The following FAM184B variants were observed in gnomAD, a reference collection of about 807,000 sequenced individuals.
FAM184B encodes protein FAM184B.
FAM184B carries 111 observed loss-of-function variants against 135.9 expected under a neutral mutation model. The ratio of observed to expected loss-of-function variants is 0.82; its 90% CI spans 0.70 to 0.96. FAM184B has a LOEUF of 0.96. FAM184B is among the 40% of genes least tolerant of loss of function. The pLI, the probability that FAM184B is intolerant of heterozygous loss-of-function variation, is 0.00. For synonymous variants in FAM184B, 552 were observed against 524.8 expected, an observed-to-expected ratio of 1.05 and a Z score of -0.71; for missense variants, 1,375 against 1,323.9, an observed-to-expected ratio of 1.04 and a Z score of -0.60.
At chr4:17,681,046 A>G (rs1716422449) in intron 7 of FAM184B, among the ~76,000 whole-genome samples, 2 of 152,350 alleles carry the variant, frequency 1.3e-5, no homozygotes, top group South Asian at 4.1e-4. Flanking sequence ...CATTGACAGA[A>G]TCTTTAACAG....
intron 5 of FAM184B, among the ~76,000 whole-genome samples, chr4:17,695,844 G>A (rs550803571): frequency 2.0e-5 from 3 of 152,262 alleles, no homozygotes; most frequent in Non-Finnish European, 4.4e-5. Context: ...TTCTGGGTTG[G>A]AGTATGCATT....
intron 1 of FAM184B, among the ~76,000 whole-genome samples, chr4:17,742,560 C>T (rs1228645484): frequency 6.6e-6 from 1 of 152,088 alleles, no homozygotes; most frequent in African/African-American, 2.4e-5. Context: ...CTATCCTGTG[C>T]CTATAAAAGA....
At chr4:17,778,170 A>C (rs939662182) in intron 1 of FAM184B, among the ~76,000 whole-genome samples, 8 of 152,202 alleles carry the variant, frequency 5.3e-5, no homozygotes, top group Admixed American at 5.2e-4. Flanking sequence ...AAAATAAACA[A>C]AACAAATCTG....
chr4:17,754,668 T>G (rs1718381369), intron 1 of FAM184B, among the ~76,000 whole-genome samples: 1 of 151,680 alleles, frequency 6.6e-6, no homozygotes. Context: ...ACTGCACACA[T>G]GCACACACCC....
chr4:17,680,233 T>C (rs1254186756), intron 7 of FAM184B, among the ~76,000 whole-genome samples: 3 of 152,324 alleles, frequency 2.0e-5, no homozygotes, highest in South Asian at 2.1e-4. Flanking sequence ...ATTATAGTTT[T>C]TGATGTCATT....
At chr4:17,632,682 T>TA (rs1714994696) in intron 17 of FAM184B, 57 bp from the exon 18 acceptor site, 1 of 1,134,438 alleles carries the variant, frequency 8.8e-7, no homozygotes, top group Non-Finnish European at 1.3e-6. Context: ...AGAAGCAGCT[T>TA]AATACCCACC....
Position 17,688,441 on chromosome 4 carries a change from T to C in FAM184B, c.1579A>G (p.Ser527Gly), listed in dbSNP as rs1419880226. 1 of 1,550,410 alleles carries C rather than the reference T, an allele frequency of 6.4e-7. No homozygotes were observed. Among genetic ancestry groups the C allele is most frequent in the East Asian group, 2.4e-5 (1 of 40,896 alleles). ...GAGGTTACCTGGGTCTCCAGAATGCTGCAGTGCTGGCGGCCTAATTCCTGG... is the reference window on the plus strand; with the variant it reads ...GAGGTTACCTGGGTCTCCAGAATGCCGCAGTGCTGGCGGCCTAATTCCTGG... Reference protein sequence around the residue: ...SPQELGRQHCSILETQDPCLK... With the variant: ...SPQELGRQHCGILETQDPCLK... Residue 527 changes from serine to glycine, a missense_variant, in exon 7 of 18, where the codon AGC (serine) becomes GGC (glycine). Transcript: ENST00000265018.
intron 1 of FAM184B, among the ~76,000 whole-genome samples, chr4:17,751,867 A>ACACACAC (rs1491120270): frequency 4.0e-5 from 6 of 149,488 alleles, no homozygotes; most frequent in African/African-American, 7.4e-5. Context: ...ACACACACAC[A>ACACACAC]AAAGAACCAG....
Position 17,633,797 on chromosome 4 carries a change from G to A in FAM184B, c.2981C>T (p.Ser994Phe). Residue 994 changes from serine to phenylalanine, a missense_variant, in exon 17 of 18, where the codon TCC (serine) becomes TTC (phenylalanine). By Grantham distance (155) the Ser-to-Phe change is radical. Coordinates refer to ENST00000265018, the MANE Select transcript of FAM184B (RefSeq NM_015688.2). ...AKNFLSGDLS[S>F]RINAPPITTS... The stretch of plus-strand genomic sequence containing the variant: ...AGTTATTGGAGGGGCATTAATCCTG[G>A]AACTCAGATCGCCACTCAGAAAGTT... 6.4e-7 allele frequency: 1 copy of A among 1,551,614 alleles called. No homozygotes were observed.
intron 1 of FAM184B, among the ~76,000 whole-genome samples, chr4:17,766,155 T>C (rs1718681515): frequency 6.6e-6 from 1 of 152,222 alleles, no homozygotes; most frequent in South Asian, 2.1e-4. Flanking sequence ...TCAGGCAGCC[T>C]GCTTTTATTC....
At chr4:17,738,319 C>T (rs1056474159) in intron 1 of FAM184B, among the ~76,000 whole-genome samples, 2 of 151,918 alleles carry the variant, frequency 1.3e-5, no homozygotes, top group Non-Finnish European at 2.9e-5. Context: ...AAAGGGTGAC[C>T]CTGCCAAGCA....
chr4:17,641,996 G>GA (rs1715331094), intron 13 of FAM184B, 60 bp downstream of exon 13: 2 of 1,474,174 alleles, frequency 1.4e-6, no homozygotes, highest in Non-Finnish European at 8.9e-7. Flanking sequence ...GTAGGGGGAG[G>GA]GGGGGTGGCG....
intron 12 of FAM184B, among the ~76,000 whole-genome samples, chr4:17,645,473 G>A (rs1715441231): frequency 6.6e-6 from 1 of 152,124 alleles, no homozygotes; most frequent in Admixed American, 6.6e-5. Flanking sequence ...ACAAGAAATG[G>A]GGAAAGGATC....
At position 17,633,681 on chromosome 4, in the gene FAM184B, C is replaced by G. The variant is rs981365069; in HGVS notation, c.3089+8G>C. 4 of 1,519,214 alleles carry G rather than the reference C, an allele frequency of 2.6e-6. No homozygotes were observed. The African/African-American group carries it at 5.6e-5, about 21-fold the overall frequency. 94.1% of individuals were successfully genotyped at this position (1,519,214 alleles called of 1,614,324 possible). Reference sequence around the variant, plus strand: ...AATAAGGGCCCCTGTCCCCAACATCCCCCAAACCTTGTGGCAGTTTTTGCA... The same window carrying G: ...AATAAGGGCCCCTGTCCCCAACATCGCCCAAACCTTGTGGCAGTTTTTGCA... On this transcript the variant is annotated splice_region_variant and intron_variant, in intron 17 of 17. Transcript: ENST00000265018.
At chr4:17,706,864 C>T (rs569905928) in intron 3 of FAM184B, among the ~76,000 whole-genome samples, 234 of 152,218 alleles carry the variant, frequency 1.5e-3, no homozygotes, top group Non-Finnish European at 2.7e-3. Context: ...TGGCTCACTG[C>T]AACCTCTGCC....
chr4:17,663,107 T>C lies in FAM184B; in HGVS notation c.1694+1455A>G, dbSNP rs1715957542. On this transcript the variant is annotated intron_variant, in intron 8 of 17. Transcript: ENST00000265018. ...TGTGCCACCACGCTCAGCTAATTTT[T>C]GTATTTTTTTGTAGAGACAGGGTTT... is the stretch of plus-strand genomic sequence containing the variant. Among the ~76,000 whole-genome samples, 8 of 152,136 alleles carry C rather than the reference T, an allele frequency of 5.3e-5. No individual in the cohort carries two copies. In the South Asian group the frequency reaches 1.7e-3, roughly 32 times the overall value.
intron 1 of FAM184B, among the ~76,000 whole-genome samples, chr4:17,750,380 A>G (rs1335948394): frequency 6.6e-6 from 1 of 152,254 alleles, no homozygotes; most frequent in Non-Finnish European, 1.5e-5. Context: ...CCAGTATCAC[A>G]GATACGCAAA....
chr4:17,723,737 G>A (rs1179015318), intron 1 of FAM184B, among the ~76,000 whole-genome samples: 1 of 152,148 alleles, frequency 6.6e-6, no homozygotes, highest in African/African-American at 2.4e-5. Context: ...GGCAGGACAC[G>A]GAGCAAGCTC....
At chr4:17,729,377 G>A (rs28768543) in intron 1 of FAM184B, among the ~76,000 whole-genome samples, 36,761 of 152,138 alleles carry the variant, frequency 0.24, 5,034 homozygotes, top group East Asian at 0.56. Flanking sequence ...AAATGTCCCT[G>A]TCTGACAGCT....
Sources: allele counts gnomAD v4.1 joint callset (sites outside exome capture counted in the v4.1 genomes callset), GRCh38; gene constraint gnomAD v4.1.1; transcripts MANE v1.5; gene names NCBI Gene and HGNC (gene_info 2026-07-23, HGNC 2026-07-21).